The following MEOX1 variants were observed in gnomAD, a reference collection of about 807,000 sequenced individuals.
MEOX1 encodes the protein mesenchyme homeobox 1.
In MEOX1, 17 loss-of-function variants were observed where a neutral mutation model predicts 23.2. The observed-to-expected ratio is 0.73, with a 90% CI of 0.50 to 1.10. The LOEUF (loss-of-function observed/expected upper bound fraction) is 1.10, where lower values mean the gene tolerates loss of function less well. Ranked by LOEUF, MEOX1 falls within the 50% of genes least tolerant of loss-of-function variation. The probability of loss-of-function intolerance (pLI) is 0.00; values close to 1 mark genes in which losing one functional copy is unlikely to be tolerated. For synonymous variants in MEOX1, 134 were observed against 135.1 expected (o/e 0.99, Z 0.06); for missense variants, 333 against 332.2 (o/e 1.00, Z -0.02).
chr17:43,647,989 A>G (rs891592481), intron 1 of MEOX1, among the ~76,000 whole-genome samples: 5 of 152,256 alleles, frequency 3.3e-5, no homozygotes, highest in African/African-American at 9.6e-5. Context: ...TGAAGGGACC[A>G]GAAGTATGGG....
intron 1 of MEOX1, among the ~76,000 whole-genome samples, chr17:43,649,105 C>T (rs1235168350): frequency 1.3e-5 from 2 of 152,070 alleles, no homozygotes; most frequent in African/African-American, 4.8e-5. Flanking sequence ...GGATAGCGGG[C>T]GTTAACACCT....
intron 1 of MEOX1, among the ~76,000 whole-genome samples, chr17:43,654,381 G>A (rs908021637): frequency 1.4e-4 from 22 of 152,046 alleles, no homozygotes; most frequent in East Asian, 1.9e-4. Flanking sequence ...GGTGGCACAC[G>A]CCTGTAATCC....
chr17:43,660,740 T>C (rs974900853), intron 1 of MEOX1, among the ~76,000 whole-genome samples: 2 of 152,166 alleles, frequency 1.3e-5, no homozygotes, highest in Admixed American at 1.3e-4. Flanking sequence ...GGCAGCCTGA[T>C]TCAGGAAAGC....
rs1345128861 is a variant in MEOX1 at position 43,652,831 on chromosome 17, T to A, written c.469+8235A>T. On this transcript the variant is annotated intron_variant, in intron 1 of 2. Coordinates refer to ENST00000318579, the MANE Select transcript of MEOX1 (RefSeq NM_004527.4). The stretch of plus-strand genomic sequence containing the variant: ...ATTCTCATCTCTACTATTGCTTTTT[T>A]TTTTTTTTTTTTTTTTTTGAGACGG... 6.7e-3 allele frequency among the ~76,000 whole-genome samples: 908 copies of A among 136,026 alleles called. 12 individuals are homozygous for A. Among genetic ancestry groups the A allele is most frequent in the African/African-American group, 0.024 (870 of 36,262 alleles). 89.2% of individuals were successfully genotyped at this position (136,026 alleles called of 152,430 possible).
At chr17:43,652,976 C>T (rs191411650) in intron 1 of MEOX1, among the ~76,000 whole-genome samples, 214 of 150,866 alleles carry the variant, frequency 1.4e-3, no homozygotes, top group African/African-American at 4.9e-3. Flanking sequence ...GGACTACTGG[C>T]GCCTGCCACC....
At chr17:43,657,133 CCTTT>C (rs1301023631) in intron 1 of MEOX1, among the ~76,000 whole-genome samples, 3 of 140,722 alleles carry the variant, frequency 2.1e-5, no homozygotes, top group Admixed American at 7.4e-5. Context: ...TTCCTTCCTT[CCTTT>C]CTTCCTTTCT....
intron 1 of MEOX1, among the ~76,000 whole-genome samples, chr17:43,660,686 A>G (rs1352277853): frequency 1.3e-5 from 2 of 152,184 alleles, no homozygotes; most frequent in African/African-American, 4.8e-5. Flanking sequence ...CTCTAGGACC[A>G]CTTGGGGCTG....
intron 1 of MEOX1, 48 bp downstream of exon 1, chr17:43,661,018 C>G (rs749875912): frequency 7.8e-7 from 1 of 1,283,318 alleles, no homozygotes; most frequent in Non-Finnish European, 1.1e-6. Flanking sequence ...AGTAACTTCC[C>G]CAGGGTCACA....
chr17:43,645,839 A>T (rs1444115935), intron 1 of MEOX1, among the ~76,000 whole-genome samples: 1 of 152,046 alleles, frequency 6.6e-6, no homozygotes, highest in African/African-American at 2.4e-5. Flanking sequence ...ATCCCTTTGT[A>T]TTTCAGTTTC....
intron 1 of MEOX1, among the ~76,000 whole-genome samples, chr17:43,645,377 C>T (rs1053294144): frequency 6.6e-6 from 1 of 152,056 alleles, no homozygotes; most frequent in Non-Finnish European, 1.5e-5. Context: ...CGACGTTTCA[C>T]TGTGATAGCC....
rs1175358235 is a variant in MEOX1 at position 43,661,244 on chromosome 17, A to G, written c.291T>C (p.Pro97=). ...TGGGCCTGCGCCGGGCGTCTGAGAC[A>G]GGGAAGTGCCAGTTGGGGGACTGTG... ...AFPQSPNWHF[P]VSDARRRPNS... The change falls in exon 1 of 3, where the codon CCT becomes CCC. Residue 97 remains proline (P), a synonymous_variant. Coordinates refer to ENST00000318579, the MANE Select transcript of MEOX1 (RefSeq NM_004527.4). 4 of 1,609,614 alleles carry G rather than the reference A, an allele frequency of 2.5e-6. No homozygotes were observed. The highest frequency in any genetic ancestry group is 3.4e-6 in the Non-Finnish European group (4 of 1,177,542).
rs754073060 is a variant in MEOX1 at position 43,643,498 on chromosome 17, G to A, written c.632C>T (p.Ser211Phe). The change falls in exon 2 of 3, where the codon TCT (serine) becomes TTT (phenylalanine). Residue 211 changes from serine (S) to phenylalanine (F), a missense_variant. Ser to Phe is a radical substitution (Grantham distance 155). Transcript: ENST00000318579. ...CCACCGGGGGCGCACCTGGCGCTCAGAGAGGTCCAGGTTTACCGCAATCTC... is the reference window on the plus strand; with the variant it reads ...CCACCGGGGGCGCACCTGGCGCTCAAAGAGGTCCAGGTTTACCGCAATCTC... ...RYEIAVNLDL[S>F]ERQVKVWFQN... 7 of 1,590,292 alleles carry A rather than the reference G, an allele frequency of 4.4e-6. No homozygotes were observed. In the Admixed American group the frequency reaches 1.2e-4, roughly 28 times the overall value.
chr17:43,642,542 T>A (rs1203134209), intron 2 of MEOX1, among the ~76,000 whole-genome samples: 1 of 152,204 alleles, frequency 6.6e-6, no homozygotes, highest in Admixed American at 6.5e-5. Flanking sequence ...AGGATTTGAA[T>A]CTAAGTCTTC....
chr17:43,644,959 A>C (rs1327857057), intron 1 of MEOX1, among the ~76,000 whole-genome samples: 1 of 152,106 alleles, frequency 6.6e-6, no homozygotes. Context: ...AAAGTCCTGA[A>C]CAAATAAAAG....
At chr17:43,659,228 A>G (rs1973096441) in intron 1 of MEOX1, among the ~76,000 whole-genome samples, 1 of 152,230 alleles carries the variant, frequency 6.6e-6, no homozygotes, top group South Asian at 2.1e-4. Context: ...AAGGAGCCAC[A>G]GTGCTGCGTG....
At chr17:43,645,171 C>CTTTTTTTT (rs869205502) in intron 1 of MEOX1, among the ~76,000 whole-genome samples, 3 of 99,750 alleles carry the variant, frequency 3.0e-5, no homozygotes, top group East Asian at 2.7e-4. Flanking sequence ...CATTAATTAT[C>CTTTTTTTT]TTTTTTTTTT....
chr17:43,659,396 C>G (rs1230233387), intron 1 of MEOX1, among the ~76,000 whole-genome samples: 1 of 152,122 alleles, frequency 6.6e-6, no homozygotes, highest in African/African-American at 2.4e-5. Context: ...TATTTAGCAG[C>G]CATGAGGGCT....
At chr17:43,648,061 A>T (rs1347279277) in intron 1 of MEOX1, among the ~76,000 whole-genome samples, 1 of 152,228 alleles carries the variant, frequency 6.6e-6, no homozygotes, top group Non-Finnish European at 1.5e-5. Flanking sequence ...AGTATTACAA[A>T]TTGCAATATA....
chr17:43,649,664 G>A (rs1972879696), intron 1 of MEOX1, among the ~76,000 whole-genome samples: 1 of 152,184 alleles, frequency 6.6e-6, no homozygotes, highest in Non-Finnish European at 1.5e-5. Context: ...ACAACTAGAT[G>A]TGTCACATGG....
Sources: allele counts gnomAD v4.1 joint callset (sites outside exome capture counted in the v4.1 genomes callset), GRCh38; gene constraint gnomAD v4.1.1; transcripts MANE v1.5; gene names NCBI Gene and HGNC (gene_info 2026-07-23, HGNC 2026-07-21).